The following SPAG9 variants were observed in gnomAD, a reference collection of about 807,000 sequenced individuals.
The protein encoded by SPAG9 is sperm associated antigen 9, also known as C-Jun-amino-terminal kinase-interacting protein 4.
In SPAG9, 35 loss-of-function variants were observed where a neutral mutation model predicts 166.5. That is an observed-to-expected ratio of 0.21 (90% CI 0.16 to 0.28). The LOEUF is 0.28. Among genes scored for constraint, SPAG9 ranks in the 10% least tolerant of loss-of-function variants. SPAG9 has a pLI of 1.00. For synonymous variants in SPAG9, 534 were observed against 565.5 expected, an observed-to-expected ratio of 0.94 and a Z score of 0.79; for missense variants, 1,235 against 1,603.3, an observed-to-expected ratio of 0.77 and a Z score of 3.92.
At chr17:51,112,093 T>C (rs946368855) in intron 1 of SPAG9, among the ~76,000 whole-genome samples, 1 of 152,060 alleles carries the variant, frequency 6.6e-6, no homozygotes, top group Non-Finnish European at 1.5e-5. Context: ...CAAATTATTA[T>C]TTCATAAAGC....
chr17:51,050,815 A>G (rs1212970111), intron 3 of SPAG9, among the ~76,000 whole-genome samples: 1 of 151,966 alleles, frequency 6.6e-6, no homozygotes, highest in African/African-American at 2.4e-5. Context: ...CAGATAATCT[A>G]TTCTTGGGTC....
intron 1 of SPAG9, among the ~76,000 whole-genome samples, chr17:51,111,291 C>T (rs2049103360): frequency 2.6e-5 from 4 of 152,110 alleles, no homozygotes; most frequent in Admixed American, 1.3e-4. Context: ...TATTTCTGAC[C>T]ACAACCTAAT....
At chr17:51,013,273 GT>G (rs2045566188) in intron 9 of SPAG9, among the ~76,000 whole-genome samples, 3 of 152,034 alleles carry the variant, frequency 2.0e-5, no homozygotes, top group Admixed American at 2.0e-4. Context: ...ATTCCATATA[GT>G]TTTTAATTTC....
At chr17:51,089,611 C>T (rs1301489201) in intron 1 of SPAG9, among the ~76,000 whole-genome samples, 3 of 98,346 alleles carry the variant, frequency 3.1e-5, no homozygotes. Flanking sequence ...TATATATATA[C>T]ACTTTATTTT....
intron 26 of SPAG9, 53 bp downstream of exon 26, chr17:50,979,693 T>C: frequency 6.5e-7 from 1 of 1,543,758 alleles, no homozygotes; most frequent in South Asian, 1.1e-5. Flanking sequence ...CATAGATAGA[T>C]AAAATAAAAC....
intron 26 of SPAG9, among the ~76,000 whole-genome samples, chr17:50,978,623 T>C (rs1438784777): frequency 6.6e-6 from 1 of 152,066 alleles, no homozygotes; most frequent in Non-Finnish European, 1.5e-5. Flanking sequence ...GAAGAAAAAG[T>C]ATGACAGGAC....
At chr17:51,109,184 A>G (rs1340540592) in intron 1 of SPAG9, among the ~76,000 whole-genome samples, 1 of 152,056 alleles carries the variant, frequency 6.6e-6, no homozygotes, top group Non-Finnish European at 1.5e-5. Flanking sequence ...TTAAAACAAA[A>G]TTAGCCAATT....
At chr17:51,060,147 C>G (rs946432572) in intron 2 of SPAG9, among the ~76,000 whole-genome samples, 1 of 151,970 alleles carries the variant, frequency 6.6e-6, no homozygotes, top group African/African-American at 2.4e-5. Flanking sequence ...CCCTCACCCC[C>G]CAAATTCATA....
At chr17:51,003,970 A>C (rs2045079673) in intron 12 of SPAG9, among the ~76,000 whole-genome samples, 1 of 152,236 alleles carries the variant, frequency 6.6e-6, no homozygotes, top group Non-Finnish European at 1.5e-5. Flanking sequence ...AAATACATAA[A>C]TTGTGACTAT....
chr17:51,115,411 T>C (rs1213771032), intron 1 of SPAG9, among the ~76,000 whole-genome samples: 1 of 132,552 alleles, frequency 7.5e-6, no homozygotes, highest in Non-Finnish European at 1.7e-5. Context: ...AGGCTTGAAC[T>C]CATCCTTTTT....
intron 2 of SPAG9, among the ~76,000 whole-genome samples, chr17:51,078,763 T>C (rs1297538489): frequency 1.3e-5 from 2 of 151,636 alleles, no homozygotes; most frequent in Non-Finnish European, 2.9e-5. Flanking sequence ...GAAGTTCTAT[T>C]CCCCCCAAAT....
chr17:51,115,830 A>T (rs564270224), intron 1 of SPAG9, among the ~76,000 whole-genome samples: 3 of 148,880 alleles, frequency 2.0e-5, no homozygotes, highest in Non-Finnish European at 3.0e-5. Flanking sequence ...CTCCATCTCA[A>T]AAAAAAAGAA....
chr17:51,060,566 T>C (rs1261043924), intron 2 of SPAG9, among the ~76,000 whole-genome samples: 2 of 148,554 alleles, frequency 1.3e-5, no homozygotes, highest in Non-Finnish European at 3.0e-5. Flanking sequence ...AATGAGGTCA[T>C]TAAGGTGGGG....
chr17:51,029,778 GTTA>G (rs2046320306), intron 6 of SPAG9, among the ~76,000 whole-genome samples: 1 of 152,190 alleles, frequency 6.6e-6, no homozygotes, highest in Admixed American at 6.5e-5. Context: ...TGGAAAGGAA[GTTA>G]TTATTTAATG....
At chr17:51,053,846 A>T (rs2047251297) in intron 3 of SPAG9, among the ~76,000 whole-genome samples, 1 of 72,110 alleles carries the variant, frequency 1.4e-5, no homozygotes, top group African/African-American at 6.4e-5. Flanking sequence ...TAAAAAAAAA[A>T]AAAAAAAAGT....
At chr17:51,037,687 T>TATATATATATATATATATATATA (rs1568028331) in intron 5 of SPAG9, among the ~76,000 whole-genome samples, 4 of 74,162 alleles carry the variant, frequency 5.4e-5, no homozygotes, top group African/African-American at 1.5e-4. Flanking sequence ...ATATATATAG[T>TATATATATATATATATATATATA]GTGTGTGTGT....
intron 2 of SPAG9, among the ~76,000 whole-genome samples, chr17:51,068,984 TCTA>T (rs2047746500): frequency 6.6e-6 from 1 of 152,174 alleles, no homozygotes; most frequent in South Asian, 2.1e-4. Context: ...TGCCTAATTT[TCTA>T]CTTTCCCACT....
In SPAG9 at chr17:50,995,458, C is replaced by G; in HGVS notation, c.2044G>C (p.Asp682His). Residue 682 changes from aspartate (D) to histidine (H), a missense_variant, in exon 17 of 30, where the codon GAT becomes CAT. Around this residue, in one of 6 missense-constraint regions of SPAG9, gnomAD observed 493 missense variants for 559.4 expected, o/e 0.88. Transcript: ENST00000262013. ...PVYLRPLDEKDTSMKLWCAVG... is the reference protein window; with the variant it reads ...PVYLRPLDEKHTSMKLWCAVG... The stretch of plus-strand genomic sequence containing the variant: ...AATGAACTTACCTTCATTGATGTAT[C>G]TTTTTCATCCAGAGGTCTGAGATAG... 1 of 1,607,200 alleles carries G rather than the reference C, an allele frequency of 6.2e-7. No individual in the cohort carries two copies. Among genetic ancestry groups the G allele is most frequent in the East Asian group, 2.2e-5 (1 of 44,842 alleles).
intron 1 of SPAG9, among the ~76,000 whole-genome samples, chr17:51,088,421 C>T (rs1219238661): frequency 2.6e-5 from 4 of 152,132 alleles, no homozygotes; most frequent in Non-Finnish European, 5.9e-5. Flanking sequence ...CCATCAAAGA[C>T]GTATCATAAA....
Sources: gnomAD v4.1 joint callset for allele counts (sites outside exome capture counted in the v4.1 genomes callset) on GRCh38, gnomAD v4.1.1 for gene constraint, gnomAD v4.1.1 regional missense constraint, MANE v1.5 for transcripts, NCBI Gene and HGNC (gene_info 2026-07-23, HGNC 2026-07-21) for gene names.